Variants in PAPLN observed in about 807,000 individuals in gnomAD.
PAPLN encodes papilin.
Under a neutral mutation model 159.0 loss-of-function variants are expected in PAPLN, and 146 were observed. The observed-to-expected ratio is 0.92, with a 90% CI of 0.80 to 1.05. PAPLN has a LOEUF of 1.05. Ranked by LOEUF, PAPLN falls within the 50% of genes least tolerant of loss-of-function variation. The pLI, the probability that PAPLN is intolerant of heterozygous loss-of-function variation, is 0.00. For synonymous variants in PAPLN, 734 were observed against 702.9 expected, an observed-to-expected ratio of 1.04 and a Z score of -0.70; for missense variants, 1,720 against 1,743.9, an observed-to-expected ratio of 0.99 and a Z score of 0.24.
chr14:73,272,628 A>G lies in PAPLN; in HGVS notation c.3801A>G (p.Ser1267=). Residue 1267 remains serine (S), a synonymous_variant, in exon 27 of 27, where the codon TCA becomes TCG. Transcript: ENST00000644200. The stretch of plus-strand genomic sequence containing the variant: ...CCAGCTTCTGCTGTGCCAGCTGTTC[A>G]CGTTTCCAGCCTCACGCTCAGCCCA... ...YYSSFCCASC[S]RFQPHAQPIW... The G allele has an allele frequency of 6.3e-7, 1 of 1,593,516 alleles. No individual in the cohort carries two copies. Among genetic ancestry groups the G allele is most frequent in the Non-Finnish European group, 8.6e-7 (1 of 1,163,190 alleles).
chr14:73,257,070 C>T (rs1023305536), intron 14 of PAPLN, among the ~76,000 whole-genome samples: 1 of 152,140 alleles, frequency 6.6e-6, no homozygotes, highest in South Asian at 2.1e-4. Flanking sequence ...GTTCTGGGCT[C>T]AAGGGCTCCT....
intron 5 of PAPLN, chr14:73,249,728 A>G (rs557671953): frequency 1.6e-4 from 36 of 226,256 alleles, no homozygotes; most frequent in Non-Finnish European, 2.6e-4. Context: ...GCTGTGGTAA[A>G]TAATGCTGAG....
chr14:73,263,667 C>A lies in PAPLN; in HGVS notation c.2746C>A (p.Pro916Thr). 6.2e-7 allele frequency: 1 copy of A among 1,613,738 alleles called. No individual in the cohort carries two copies. The highest frequency in any genetic ancestry group is 8.5e-7 in the Non-Finnish European group (1 of 1,180,000). The stretch of plus-strand genomic sequence containing the variant: ...CAGGATTAGCTTGGCAGGTGTGGAG[C>A]CCTCGTTGGTGCAGGCAGCCCTGGG... The part of the protein sequence containing the change: ...SYRISLAGVE[P>T]SLVQAALGQL... Residue 916 changes from proline to threonine, a missense_variant, in exon 20 of 27, where the codon CCC becomes ACC. Coordinates refer to ENST00000644200, the MANE Select transcript of PAPLN (RefSeq NM_001365906.3).
rs1566710550 is a variant in PAPLN at position 73,268,541 on chromosome 14, GTCC to G, written c.3501-13_3501-11del. 6.2e-7 allele frequency: 1 copy of G among 1,605,728 alleles called. No individual in the cohort carries two copies. The highest frequency in any genetic ancestry group is 1.7e-5 in the Admixed American group (1 of 59,486). On this transcript the variant is annotated splice_polypyrimidine_tract_variant and intron_variant, in intron 25 of 26. Transcript: ENST00000644200. ...AGAGGCCCTTGATGGCTCTCCCAGTGTCCTCTCTCCTCCAGGAACGGGCTACCT... is the reference window on the plus strand; with the variant it reads ...AGAGGCCCTTGATGGCTCTCCCAGTGTCTCTCCTCCAGGAACGGGCTACCT...
Position 73,272,677 on chromosome 14 carries a change from G to A in PAPLN, c.*13G>A. The A allele has an allele frequency of 3.2e-6, 5 of 1,550,342 alleles. No homozygotes were observed. Among genetic ancestry groups the A allele is most frequent in the Non-Finnish European group, 3.5e-6 (4 of 1,135,916 alleles). Reference sequence around the variant, plus strand: ...CATCTGGCAGTAGGGATGAAGGCTAGTTCCAGCCCCAGTCCAAAATAGTTC... The same window carrying A: ...CATCTGGCAGTAGGGATGAAGGCTAATTCCAGCCCCAGTCCAAAATAGTTC... On this transcript the variant is annotated 3_prime_UTR_variant, in exon 27 of 27. Coordinates refer to ENST00000644200, the MANE Select transcript of PAPLN (RefSeq NM_001365906.3).
intron 12 of PAPLN, 120 bp from the exon 13 acceptor site, chr14:73,254,393 A>G (rs1042049372): frequency 1.4e-5 from 18 of 1,250,344 alleles, no homozygotes; most frequent in Non-Finnish European, 1.9e-5. Context: ...GGGCCTGGGA[A>G]GGACATGGGC....
At chr14:73,269,167 AGG>A (rs1455390816) in intron 26 of PAPLN, among the ~76,000 whole-genome samples, 1 of 152,240 alleles carries the variant, frequency 6.6e-6, no homozygotes, top group African/African-American at 2.4e-5. Context: ...CAGAAAGGAA[AGG>A]GCAGGGATTA....
intron 6 of PAPLN, among the ~76,000 whole-genome samples, chr14:73,250,618 C>T (rs934082085): frequency 1.3e-5 from 2 of 152,178 alleles, no homozygotes; most frequent in African/African-American, 4.8e-5. Flanking sequence ...TACCCTGAAC[C>T]ACTCCAACCT....
intron 11 of PAPLN, chr14:73,253,096 G>A (rs565633107): frequency 7.2e-7 from 1 of 1,389,198 alleles, no homozygotes. Context: ...AGATGCCAAG[G>A]GGTGGGCCAG....
intron 5 of PAPLN, chr14:73,246,682 G>C (rs1406420289): frequency 2.5e-5 from 3 of 119,032 alleles, no homozygotes; most frequent in Non-Finnish European, 4.8e-5. Context: ...GCCCAGGCTT[G>C]AGTGCAGCAG....
chr14:73,249,867 G>A lies in PAPLN; in HGVS notation c.335-117G>A, dbSNP rs1057498536. 6 of 1,213,582 alleles carry A rather than the reference G, an allele frequency of 4.9e-6. 1 individual carries two copies. The highest frequency in any genetic ancestry group is 3.1e-5 in the African/African-American group (2 of 64,290). The allele number at this position is 1,213,582 out of a possible 1,614,324, so 75.2% of individuals were successfully genotyped here. A position where few individuals can be genotyped will look rare whatever the true frequency, so the allele number is the denominator to read the frequency against. The stretch of plus-strand genomic sequence containing the variant: ...GATGGGGCGGGGATCTGTGCTCTGC[G>A]GGGCCTGCTGCAGGGCTTTCTGACC... On this transcript the variant is annotated intron_variant, in intron 5 of 26. Coordinates refer to ENST00000644200, the MANE Select transcript of PAPLN (RefSeq NM_001365906.3).
chr14:73,263,283 T>G, intron 19 of PAPLN: 1 of 376,338 alleles, frequency 2.7e-6, no homozygotes, highest in Non-Finnish European at 4.8e-6. Context: ...TTGGGAAGGT[T>G]AAAAACAAAA....
chr14:73,254,418 T>G (rs969396046), intron 12 of PAPLN, 95 bp from the exon 13 acceptor site: 1 of 1,486,810 alleles, frequency 6.7e-7, no homozygotes, highest in Non-Finnish European at 9.2e-7. Context: ...GGGTGCTATC[T>G]GCCTCCACAC....
At chr14:73,250,473 C>T (rs1417098117) in intron 6 of PAPLN, among the ~76,000 whole-genome samples, 2 of 152,178 alleles carry the variant, frequency 1.3e-5, no homozygotes, top group Non-Finnish European at 2.9e-5. Context: ...CCCATTCTTC[C>T]CAGGAGGTGT....
intron 7 of PAPLN, among the ~76,000 whole-genome samples, 159 bp downstream of exon 7, chr14:73,251,189 T>A (rs1255413857): frequency 1.3e-5 from 2 of 152,176 alleles, no homozygotes; most frequent in African/African-American, 4.8e-5. Context: ...CCCTGTGGCC[T>A]TTGGTTAGGA....
intron 10 of PAPLN, 132 bp from the exon 11 acceptor site, chr14:73,252,517 C>G (rs1298064333): frequency 8.0e-7 from 1 of 1,252,226 alleles, no homozygotes; most frequent in Non-Finnish European, 1.1e-6. Flanking sequence ...GTGGTGGCAC[C>G]TGCCTCGGGG....
At chr14:73,268,215 GTC>G (rs1887403894) in intron 25 of PAPLN, among the ~76,000 whole-genome samples, 1 of 151,944 alleles carries the variant, frequency 6.6e-6, no homozygotes, top group African/African-American at 2.4e-5. Flanking sequence ...ACTTCGCTGC[GTC>G]AGTGCGATGC....
chr14:73,248,140 G>C (rs1298278471), intron 5 of PAPLN, among the ~76,000 whole-genome samples: 1 of 130,986 alleles, frequency 7.6e-6, no homozygotes, highest in Non-Finnish European at 1.6e-5. Flanking sequence ...CGTGGCTGTG[G>C]GCATGGCCCA....
At chr14:73,250,881 C>A in intron 6 of PAPLN, 26 bp from the exon 7 acceptor site, 1 of 1,595,304 alleles carries the variant, frequency 6.3e-7, no homozygotes, top group Non-Finnish European at 8.5e-7. Context: ...TGCCGTCTCC[C>A]CTGCCTCCCG....
Sources: gnomAD v4.1 joint callset for allele counts (sites outside exome capture counted in the v4.1 genomes callset) on GRCh38, gnomAD v4.1.1 for gene constraint, MANE v1.5 for transcripts, NCBI Gene and HGNC (gene_info 2026-07-23, HGNC 2026-07-21) for gene names.